Variants in RAB11FIP2 observed in about 807,000 individuals in gnomAD.
The protein encoded by RAB11FIP2 is rab11 family-interacting protein 2.
A neutral mutation model predicts 40.9 loss-of-function variants in RAB11FIP2; 16 were observed. That is an observed-to-expected ratio of 0.39 (90% confidence interval 0.26 to 0.59). RAB11FIP2 has a LOEUF of 0.59. Ranked by LOEUF, RAB11FIP2 falls within the 20% of genes least tolerant of loss-of-function variation. The probability of loss-of-function intolerance (pLI) is 0.53; values close to 1 mark genes in which losing one functional copy is unlikely to be tolerated. For missense variants in RAB11FIP2, 532 were observed against 606.2 expected, an observed-to-expected ratio of 0.88 and a Z score of 1.28; for synonymous variants, 228 against 213.7, an observed-to-expected ratio of 1.07 and a Z score of -0.58.
Position 118,040,147 on chromosome 10 carries a change from A to C in RAB11FIP2, c.772T>G (p.Ser258Ala). ...QTHLLGHQLDSFGTVPESGSL... is the reference protein window; with the variant it reads ...QTHLLGHQLDAFGTVPESGSL... ...CCACTTTCTGGAACTGTTCCAAAGGAATCTAACTGGTGTCCGAGAAGATGT... is the reference window on the plus strand; with the variant it reads ...CCACTTTCTGGAACTGTTCCAAAGGCATCTAACTGGTGTCCGAGAAGATGT... The change falls in exon 2 of 5, where the codon TCC (serine) becomes GCC (alanine). Residue 258 changes from serine (S) to alanine (A), a missense_variant. Transcript: ENST00000355624. The C allele has an allele frequency of 1.2e-6, 2 of 1,613,666 alleles. No individual in the cohort carries two copies. Among genetic ancestry groups the C allele is most frequent in the East Asian group, 2.2e-5 (1 of 44,876 alleles).
intron 3 of RAB11FIP2, among the ~76,000 whole-genome samples, chr10:118,017,252 A>G (rs1377113602): frequency 3.3e-5 from 5 of 152,210 alleles, no homozygotes; most frequent in Non-Finnish European, 7.4e-5. Context: ...CACTGGCTGC[A>G]CTGCGGAAGC....
chr10:118,008,919 T>C lies in RAB11FIP2; in HGVS notation c.*79A>G. The C allele has an allele frequency of 8.6e-7, 1 of 1,160,036 alleles. No homozygotes were observed. Among genetic ancestry groups the C allele is most frequent in the African/African-American group, 1.5e-5 (1 of 65,584 alleles). The allele number at this position is 1,160,036 out of a possible 1,614,324, so 71.9% of individuals were successfully genotyped here. On this transcript the variant is annotated 3_prime_UTR_variant, in exon 5 of 5. Coordinates refer to ENST00000355624, the MANE Select transcript of RAB11FIP2 (RefSeq NM_014904.3). ...AATGAAACCTGATAGTGTAGTCTCT[T>C]TCAGTAACAAGTTTTTCCTTCCTTC...
intron 3 of RAB11FIP2, among the ~76,000 whole-genome samples, chr10:118,032,563 G>A (rs1021184189): frequency 6.6e-6 from 1 of 151,948 alleles, no homozygotes; most frequent in Non-Finnish European, 1.5e-5. Flanking sequence ...ATTTAAGTAC[G>A]CATTTGCCAG....
In RAB11FIP2 at chr10:118,006,539, A is replaced by G. The variant is rs1846092354; in HGVS notation, c.*2459T>C. 1 of 152,164 alleles carries G rather than the reference A, an allele frequency of 6.6e-6. No individual in the cohort carries two copies. Among genetic ancestry groups the G allele is most frequent in the Non-Finnish European group, 1.5e-5 (1 of 67,980 alleles). 9.4% of individuals were successfully genotyped at this position (152,164 alleles called of 1,614,324 possible). A position where few individuals can be genotyped will look rare whatever the true frequency, so the allele number is the denominator to read the frequency against. On this transcript the variant is annotated 3_prime_UTR_variant, in exon 5 of 5. Transcript: ENST00000355624. ...GGTGACCTTTTTGGCCTCTTTTTCT[A>G]CAACGTGAGAAATTAAAACTACTTT...
chr10:118,027,772 A>T (rs1846362389), intron 3 of RAB11FIP2, among the ~76,000 whole-genome samples: 1 of 152,200 alleles, frequency 6.6e-6, no homozygotes, highest in South Asian at 2.1e-4. Flanking sequence ...ATATAATAGT[A>T]TTTAGTCACT....
intron 3 of RAB11FIP2, among the ~76,000 whole-genome samples, chr10:118,024,523 T>C (rs941843860): frequency 1.6e-5 from 2 of 126,336 alleles, no homozygotes; most frequent in Non-Finnish European, 3.4e-5. Flanking sequence ...AAACAAGTCC[T>C]GTTCATTTTA....
intron 3 of RAB11FIP2, among the ~76,000 whole-genome samples, chr10:118,033,707 C>T (rs895021282): frequency 3.3e-5 from 5 of 152,016 alleles, no homozygotes; most frequent in African/African-American, 1.2e-4. Context: ...ATACAACAAG[C>T]CTTAGAACGT....
intron 2 of RAB11FIP2, 35 bp from the exon 3 acceptor site, chr10:118,039,475 G>A: frequency 6.6e-7 from 1 of 1,523,126 alleles, no homozygotes; most frequent in South Asian, 1.1e-5. Context: ...CATAATCAGT[G>A]ACACATTACA....
chr10:118,020,669 C>T (rs1846273975), intron 3 of RAB11FIP2, among the ~76,000 whole-genome samples: 1 of 152,220 alleles, frequency 6.6e-6, no homozygotes, highest in Non-Finnish European at 1.5e-5. Flanking sequence ...ACAGCTGCAG[C>T]TAAGCATGCA....
Position 118,007,328 on chromosome 10 carries a change from A to T in RAB11FIP2, c.*1670T>A, listed in dbSNP as rs1420362276. Reference sequence around the variant, plus strand: ...AATTTTTATGAAAAAAATGTTCATAATTTCAAAATGTATGTTCTTACAGTA... The same window carrying T: ...AATTTTTATGAAAAAAATGTTCATATTTTCAAAATGTATGTTCTTACAGTA... On this transcript the variant is annotated 3_prime_UTR_variant, in exon 5 of 5. Coordinates refer to ENST00000355624, the MANE Select transcript of RAB11FIP2 (RefSeq NM_014904.3). 6.6e-6 allele frequency: 1 copy of T among 151,930 alleles called. No homozygotes were observed. The highest frequency in any genetic ancestry group is 1.5e-5 in the Non-Finnish European group (1 of 67,900). The allele number at this position is 151,930 out of a possible 1,614,324, so 9.4% of individuals were successfully genotyped here. A position where few individuals can be genotyped will look rare whatever the true frequency, so the allele number is the denominator to read the frequency against.
chr10:118,028,784 T>C (rs1426092791), intron 3 of RAB11FIP2, among the ~76,000 whole-genome samples: 1 of 152,110 alleles, frequency 6.6e-6, no homozygotes, highest in Non-Finnish European at 1.5e-5. Flanking sequence ...CAAAACCACC[T>C]GAGAGAAATA....
Position 118,008,759 on chromosome 10 carries a change from C to G in RAB11FIP2, c.*239G>C. The G allele has an allele frequency of 2.1e-6, 1 of 481,424 alleles. No homozygotes were observed. Among genetic ancestry groups the G allele is most frequent in the Non-Finnish European group, 3.8e-6 (1 of 265,298 alleles). 29.8% of individuals were successfully genotyped at this position (481,424 alleles called of 1,614,324 possible). Reference sequence around the variant, plus strand: ...CAGCACCTGAGTGAGTCCTAAGGAACCACTTATTCATTGAGAATCTGGCCC... The same window carrying G: ...CAGCACCTGAGTGAGTCCTAAGGAAGCACTTATTCATTGAGAATCTGGCCC... On this transcript the variant is annotated 3_prime_UTR_variant, in exon 5 of 5. Coordinates refer to ENST00000355624, the MANE Select transcript of RAB11FIP2 (RefSeq NM_014904.3).
In RAB11FIP2 at chr10:118,039,465, C is replaced by T. The variant is rs116838957; in HGVS notation, c.797-25G>A. On this transcript the variant is annotated intron_variant, in intron 2 of 4. Coordinates refer to ENST00000355624, the MANE Select transcript of RAB11FIP2 (RefSeq NM_014904.3). ...CCTACAAACAATTTTGTAGTTAGTACATAATCAGTGACACATTACATCACA... is the reference window on the plus strand; with the variant it reads ...CCTACAAACAATTTTGTAGTTAGTATATAATCAGTGACACATTACATCACA... The T allele has an allele frequency of 1.5e-4, 228 of 1,567,438 alleles. 1 individual carries two copies. The African/African-American group carries it at 2.8e-3, about 19-fold the overall frequency.
At chr10:118,011,367 T>G (rs1467501128) in intron 4 of RAB11FIP2, among the ~76,000 whole-genome samples, 1 of 151,866 alleles carries the variant, frequency 6.6e-6, no homozygotes, top group Non-Finnish European at 1.5e-5. Context: ...GATCAATTAA[T>G]CTTTTATAAG....
chr10:118,029,796 G>A (rs1846391359), intron 3 of RAB11FIP2, among the ~76,000 whole-genome samples: 1 of 151,900 alleles, frequency 6.6e-6, no homozygotes, highest in Non-Finnish European at 1.5e-5. Flanking sequence ...TGCTGAATGT[G>A]GGAATTTTCT....
intron 4 of RAB11FIP2, among the ~76,000 whole-genome samples, chr10:118,011,947 G>T (rs1251447362): frequency 6.6e-6 from 1 of 151,694 alleles, no homozygotes; most frequent in African/African-American, 2.4e-5. Flanking sequence ...TATATAAACT[G>T]ATTTCTCCAA....
At chr10:118,024,643 GC>G (rs1287571254) in intron 3 of RAB11FIP2, among the ~76,000 whole-genome samples, 3 of 152,148 alleles carry the variant, frequency 2.0e-5, no homozygotes, top group African/African-American at 7.2e-5. Context: ...TCTTGATCAA[GC>G]TTTTCCTGCA....
chr10:118,046,273 C>A lies in RAB11FIP2; in HGVS notation c.-110G>T. The A allele has an allele frequency of 2.0e-6, 2 of 990,080 alleles. No homozygotes were observed. Among genetic ancestry groups the A allele is most frequent in the Non-Finnish European group, 1.5e-6 (1 of 657,720 alleles). 61.3% of individuals were successfully genotyped at this position (990,080 alleles called of 1,614,324 possible). A position where few individuals can be genotyped will look rare whatever the true frequency, so the allele number is the denominator to read the frequency against. On this transcript the variant is annotated 5_prime_UTR_variant, in exon 1 of 5. Coordinates refer to ENST00000355624, the MANE Select transcript of RAB11FIP2 (RefSeq NM_014904.3). Reference sequence around the variant, plus strand: ...CCTAAGGACACTTAACGGAAACAGGCAGGCTCAGGGCTCCCCGACTTCCCT... The same window carrying A: ...CCTAAGGACACTTAACGGAAACAGGAAGGCTCAGGGCTCCCCGACTTCCCT...
At chr10:118,019,724 G>A (rs1265394864) in intron 3 of RAB11FIP2, among the ~76,000 whole-genome samples, 1 of 151,976 alleles carries the variant, frequency 6.6e-6, no homozygotes, top group Non-Finnish European at 1.5e-5. Flanking sequence ...TACTCGGGAG[G>A]CTGAGGCAAG....
Sources: allele counts gnomAD v4.1 joint callset (sites outside exome capture counted in the v4.1 genomes callset), GRCh38; gene constraint gnomAD v4.1.1; transcripts MANE v1.5; gene names NCBI Gene and HGNC (gene_info 2026-07-23, HGNC 2026-07-21).